Variants in PPFIA1 observed in about 807,000 individuals in gnomAD.
PPFIA1 encodes liprin-alpha-1.
Under a neutral mutation model 149.9 loss-of-function variants are expected in PPFIA1, and 25 were observed. The ratio of observed to expected loss-of-function variants is 0.17; its 90% CI spans 0.12 to 0.23. The LOEUF is 0.23. Among genes scored for constraint, PPFIA1 ranks in the 10% least tolerant of loss-of-function variants. PPFIA1 has a pLI of 1.00. For synonymous variants in PPFIA1, 549 were observed against 552.8 expected (o/e 0.99, Z 0.10); for missense variants, 1,362 against 1,506.5 (o/e 0.90, Z 1.59).
At chr11:70,369,207 A>G (rs997279136) in intron 21 of PPFIA1, among the ~76,000 whole-genome samples, 1 of 152,126 alleles carries the variant, frequency 6.6e-6, no homozygotes, top group African/African-American at 2.4e-5. Flanking sequence ...AATGATGACA[A>G]ATCTTGTCAA....
intron 17 of PPFIA1, among the ~76,000 whole-genome samples, chr11:70,355,340 G>A (rs1248468077): frequency 6.6e-6 from 1 of 152,174 alleles, no homozygotes; most frequent in African/African-American, 2.4e-5. Context: ...AATGCTCAGG[G>A]CGGTTGTGGG....
At position 70,317,883 on chromosome 11, in the gene PPFIA1, G is replaced by A. The variant is rs138139428; in HGVS notation, c.265-6519G>A. Among the ~76,000 whole-genome samples, 617 of 152,272 alleles carry A rather than the reference G, an allele frequency of 4.1e-3. 4 individuals carry two copies. Among genetic ancestry groups the A allele is most frequent in the Non-Finnish European group, 7.2e-3 (492 of 68,020 alleles). Reference sequence around the variant, plus strand: ...TTGACTAGGGCTTTCATTTAAAGGTGACGAAATTTGTTCATAATAGACTTT... The same window carrying A: ...TTGACTAGGGCTTTCATTTAAAGGTAACGAAATTTGTTCATAATAGACTTT... On this transcript the variant is annotated intron_variant, in intron 2 of 27. Coordinates refer to ENST00000253925, the MANE Select transcript of PPFIA1 (RefSeq NM_003626.5).
chr11:70,362,345 G>A lies in PPFIA1; in HGVS notation c.2722G>A (p.Gly908Arg), dbSNP rs2056702004. The change falls in exon 21 of 28, where the codon GGG (glycine) becomes AGG (arginine). Residue 908 changes from glycine (G) to arginine (R), a missense_variant. Around this residue, in one of 7 missense-constraint regions of PPFIA1, gnomAD observed 8 missense variants for 26.5 expected, o/e 0.30. Coordinates refer to ENST00000253925, the MANE Select transcript of PPFIA1 (RefSeq NM_003626.5). ...VAACRANVKS[G>R]AIMSALSDTE... ...TGCCTGCCGAGCAAACGTGAAAAGC[G>A]GGGCCATCATGTCGGCCCTGTCCGA... 1 of 1,614,194 alleles carries A rather than the reference G, an allele frequency of 6.2e-7. No homozygotes were observed. The highest frequency in any genetic ancestry group is 8.5e-7 in the Non-Finnish European group (1 of 1,180,040).
intron 2 of PPFIA1, among the ~76,000 whole-genome samples, chr11:70,300,903 T>C (rs2052445986): frequency 6.6e-6 from 1 of 152,172 alleles, no homozygotes; most frequent in African/African-American, 2.4e-5. Flanking sequence ...AGATAAGCCA[T>C]GAGGGGGCAA....
At chr11:70,342,516 A>G (rs1004172376) in intron 14 of PPFIA1, among the ~76,000 whole-genome samples, 8 of 152,222 alleles carry the variant, frequency 5.3e-5, no homozygotes, top group Non-Finnish European at 8.8e-5. Context: ...TGAGCTGCCC[A>G]TGCCGCATAC....
intron 2 of PPFIA1, among the ~76,000 whole-genome samples, chr11:70,280,364 T>C (rs2050681316): frequency 6.6e-6 from 1 of 151,412 alleles, no homozygotes; most frequent in South Asian, 2.1e-4. Flanking sequence ...AAGTCAGGAG[T>C]TCGAGACCAG....
chr11:70,367,687 C>T (rs1457575788), intron 21 of PPFIA1: 1 of 452,004 alleles, frequency 2.2e-6, no homozygotes, highest in Admixed American at 2.4e-5. Flanking sequence ...TAGGCCACTT[C>T]AGGAGTCTGA....
At chr11:70,280,928 G>T (rs2050726061) in intron 2 of PPFIA1, among the ~76,000 whole-genome samples, 1 of 151,984 alleles carries the variant, frequency 6.6e-6, no homozygotes, top group Admixed American at 6.6e-5. Flanking sequence ...CTCTTCATTT[G>T]TGTCCAATCT....
intron 2 of PPFIA1, among the ~76,000 whole-genome samples, chr11:70,311,272 C>T (rs894846396): frequency 6.6e-6 from 1 of 150,662 alleles, no homozygotes; most frequent in Non-Finnish European, 1.5e-5. Flanking sequence ...TGGGCCATTG[C>T]ACCCCAGCCT....
chr11:70,295,744 C>G (rs2051931262), intron 2 of PPFIA1, among the ~76,000 whole-genome samples: 1 of 151,230 alleles, frequency 6.6e-6, no homozygotes, highest in Non-Finnish European at 1.5e-5. Context: ...GGCTGACCCC[C>G]CCACCTCCCT....
chr11:70,305,471 A>C (rs2052787194), intron 2 of PPFIA1, among the ~76,000 whole-genome samples: 1 of 152,064 alleles, frequency 6.6e-6, no homozygotes, highest in South Asian at 2.1e-4. Flanking sequence ...TCCTGGGCTT[A>C]AGCGATCCTC....
intron 2 of PPFIA1, among the ~76,000 whole-genome samples, chr11:70,304,379 G>T (rs1400575595): frequency 1.3e-5 from 2 of 152,072 alleles, no homozygotes; most frequent in Non-Finnish European, 2.9e-5. Context: ...TGTTGCCCAG[G>T]CTGGTCTCAA....
At chr11:70,356,490 T>A (rs1251364208) in intron 19 of PPFIA1, among the ~76,000 whole-genome samples, 1 of 152,024 alleles carries the variant, frequency 6.6e-6, no homozygotes, top group Non-Finnish European at 1.5e-5. Context: ...GGAGATAGGG[T>A]GGGTGAGAGT....
intron 1 of PPFIA1, 30 bp from the exon 2 acceptor site, chr11:70,272,143 A>G: frequency 1.2e-6 from 2 of 1,604,102 alleles, no homozygotes; most frequent in Non-Finnish European, 1.7e-6. Flanking sequence ...TCTGAGCTTA[A>G]TTACTGTAGC....
intron 2 of PPFIA1, among the ~76,000 whole-genome samples, chr11:70,293,178 C>T (rs2051650911): frequency 6.6e-6 from 1 of 152,232 alleles, no homozygotes; most frequent in South Asian, 2.1e-4. Flanking sequence ...TAACGGTTAC[C>T]TACCTGTTCT....
intron 16 of PPFIA1, among the ~76,000 whole-genome samples, chr11:70,350,687 G>A (rs1327727504): frequency 6.6e-6 from 1 of 152,156 alleles, no homozygotes; most frequent in Non-Finnish European, 1.5e-5. Flanking sequence ...AAGTTATAGA[G>A]AGGTTTGGCT....
Position 70,326,379 on chromosome 11 carries a change from T to A in PPFIA1, c.708+16T>A. The A allele has an allele frequency of 6.4e-7, 1 of 1,550,980 alleles. No individual in the cohort carries two copies. The highest frequency in any genetic ancestry group is 1.4e-5 in the African/African-American group (1 of 72,758). On this transcript the variant is annotated intron_variant, in intron 6 of 27. Transcript: ENST00000253925. ...GAGTGGAAAGGCAAGTCTGTAGGCTTTGTCTTTATTCTGTTTGATTTCATT... is the reference window on the plus strand; with the variant it reads ...GAGTGGAAAGGCAAGTCTGTAGGCTATGTCTTTATTCTGTTTGATTTCATT...
intron 2 of PPFIA1, among the ~76,000 whole-genome samples, chr11:70,311,029 C>T (rs983755369): frequency 2.6e-5 from 4 of 152,178 alleles, no homozygotes; most frequent in African/African-American, 9.7e-5. Context: ...AGAATGCAGA[C>T]ATTCTTGGAG....
intron 21 of PPFIA1, among the ~76,000 whole-genome samples, chr11:70,367,982 T>C (rs1440068456): frequency 1.3e-5 from 2 of 151,928 alleles, no homozygotes; most frequent in Non-Finnish European, 2.9e-5. Context: ...ACAAAAAATA[T>C]AAAAATTAGC....
Sources: gnomAD v4.1 joint callset for allele counts (sites outside exome capture counted in the v4.1 genomes callset) on GRCh38, gnomAD v4.1.1 for gene constraint, gnomAD v4.1.1 regional missense constraint, MANE v1.5 for transcripts, NCBI Gene and HGNC (gene_info 2026-07-23, HGNC 2026-07-21) for gene names.